PGBD5: variants seen among roughly 807,000 people sequenced by gnomAD.
PGBD5 encodes the protein piggyBac transposable element derived 5.
PGBD5 carries 14 observed loss-of-function variants against 47.9 expected under a neutral mutation model. The observed-to-expected ratio is 0.29, with a 90% CI of 0.19 to 0.46. The LOEUF (loss-of-function observed/expected upper bound fraction) is 0.46. Among genes scored for constraint, PGBD5 ranks in the 20% least tolerant of loss-of-function variants. PGBD5 has a pLI of 1.00. For synonymous variants in PGBD5, 316 were observed against 306.3 expected (o/e 1.03, Z -0.33); for missense variants, 635 against 716.0 (o/e 0.89, Z 1.29).
chr1:230,398,871 T>C (rs1296363507), intron 1 of PGBD5, among the ~76,000 whole-genome samples: 4 of 152,140 alleles, frequency 2.6e-5, no homozygotes, highest in Non-Finnish European at 5.9e-5. Context: ...TGGGCCAGCA[T>C]GGAGTCCCCC....
Position 230,314,581 on chromosome 1 carries a change from C to CTTTTTTTTTTTTTTTTTTT in PGBD5, c.*8825_*8843dup, listed in dbSNP as rs3045440. 1.1e-5 allele frequency: 1 copy of CTTTTTTTTTTTTTTTTTTT among 88,384 alleles called. No homozygotes were observed. The highest frequency in any genetic ancestry group is 2.2e-5 in the Non-Finnish European group (1 of 45,434). 5.5% of individuals were successfully genotyped at this position (88,384 alleles called of 1,614,324 possible). ...ACATGACAAAATGCTTGAATTAAATCTTTTTTTTTTTTTTTTTTTTTTTTG... is the reference window on the plus strand; with the variant it reads ...ACATGACAAAATGCTTGAATTAAATCTTTTTTTTTTTTTTTTTTTTTTTTTTTTTTTTTTTTTTTTTTTG... On this transcript the variant is annotated 3_prime_UTR_variant, in exon 7 of 7. Transcript: ENST00000391860.
intron 1 of PGBD5, among the ~76,000 whole-genome samples, chr1:230,379,408 C>T (rs1025931749): frequency 2.0e-5 from 3 of 152,200 alleles, no homozygotes; most frequent in African/African-American, 7.2e-5. Context: ...TCTCTTCAGG[C>T]TGACTGTAGT....
At chr1:230,354,024 G>A (rs1052000655) in intron 2 of PGBD5, among the ~76,000 whole-genome samples, 4 of 152,194 alleles carry the variant, frequency 2.6e-5, no homozygotes, top group African/African-American at 9.7e-5. Flanking sequence ...GGAGAGCCAG[G>A]CCCACCCCAA....
Position 230,323,632 on chromosome 1 carries a change from G to A in PGBD5, c.1380-12C>T, listed in dbSNP as rs771945286. On this transcript the variant is annotated splice_polypyrimidine_tract_variant and intron_variant, in intron 6 of 6. Transcript: ENST00000391860. This position sits in a 1 kb window ranked among gnomAD's most constrained non-coding sequence, Gnocchi z 4.1. ...GAGAAATGAAATACCTGAGGACAGA[G>A]GGAATAAGAACGGCTGACCCGATGG... The A allele has an allele frequency of 2.8e-5, 45 of 1,610,448 alleles. No individual in the cohort carries two copies. The highest frequency in any genetic ancestry group is 3.7e-5 in the Non-Finnish European group (44 of 1,177,910).
chr1:230,393,634 G>T (rs1372146834), intron 1 of PGBD5, among the ~76,000 whole-genome samples: 1 of 151,968 alleles, frequency 6.6e-6, no homozygotes, highest in Non-Finnish European at 1.5e-5. Flanking sequence ...TCAGGAGATC[G>T]AGACCACGGT....
At chr1:230,329,813 C>A (rs567204183) in intron 5 of PGBD5, among the ~76,000 whole-genome samples, 3 of 152,176 alleles carry the variant, frequency 2.0e-5, no homozygotes, top group Non-Finnish European at 4.4e-5. Context: ...TGATGCCATG[C>A]GTCAAAATAA....
At chr1:230,400,127 G>A (rs918893179) in intron 1 of PGBD5, among the ~76,000 whole-genome samples, 34 of 152,110 alleles carry the variant, frequency 2.2e-4, no homozygotes, top group South Asian at 2.1e-4. Context: ...CTCTCTGACC[G>A]CCTTCCTCCT....
chr1:230,366,341 G>A (rs985412328), intron 1 of PGBD5, among the ~76,000 whole-genome samples: 2 of 143,216 alleles, frequency 1.4e-5, no homozygotes, highest in African/African-American at 2.5e-5. Context: ...ATGGGGCTGG[G>A]GGGTGGTGGG....
intron 1 of PGBD5, among the ~76,000 whole-genome samples, chr1:230,364,747 G>A (rs187126382): frequency 3.3e-4 from 50 of 152,362 alleles, no homozygotes; most frequent in Admixed American, 1.2e-3. Context: ...CTGGCCAGGC[G>A]CAGTGGCTCA....
chr1:230,385,477 A>G (rs1366015074), intron 1 of PGBD5, among the ~76,000 whole-genome samples: 2 of 152,216 alleles, frequency 1.3e-5, no homozygotes, highest in African/African-American at 4.8e-5. Context: ...ACTGAAATGA[A>G]GGCAAGATAA....
At chr1:230,372,616 G>T (rs1667947022) in intron 1 of PGBD5, among the ~76,000 whole-genome samples, 2 of 152,188 alleles carry the variant, frequency 1.3e-5, no homozygotes, top group African/African-American at 4.8e-5. Context: ...GGGAAAGGCT[G>T]CCCCACTTCT....
In PGBD5 at chr1:230,335,696, TACAC is replaced by T. The variant is rs758878575; in HGVS notation, c.1075+1408_1075+1411del. On this transcript the variant is annotated intron_variant, in intron 4 of 6. Coordinates refer to ENST00000391860, the MANE Select transcript of PGBD5 (RefSeq NM_001258311.2). ...ACACAGATACAGACACACAGACACA[TACAC>T]ATACATACACAGGTACACATACAGA... Among the ~76,000 whole-genome samples the T allele has an allele frequency of 6.9e-3, 3 of 436 alleles. No homozygotes were observed. The East Asian group carries it at 0.15, about 22-fold the overall frequency. 0.3% of individuals were successfully genotyped at this position (436 alleles called of 152,430 possible). A position where few individuals can be genotyped will look rare whatever the true frequency, so the allele number is the denominator to read the frequency against.
At chr1:230,386,810 C>T (rs1358547987) in intron 1 of PGBD5, among the ~76,000 whole-genome samples, 2 of 152,148 alleles carry the variant, frequency 1.3e-5, no homozygotes, top group South Asian at 2.1e-4. Flanking sequence ...AATATAGCCC[C>T]GATTTCAAAC....
rs1667008462 is a variant in PGBD5, at chr1:230,319,772, G to A, written c.*3653C>T. ...CCCAGCCACCAAGACTTTTCCATATGACTTGCCTGACTTTTGAAAGATGTC... is the reference window on the plus strand; with the variant it reads ...CCCAGCCACCAAGACTTTTCCATATAACTTGCCTGACTTTTGAAAGATGTC... On this transcript the variant is annotated 3_prime_UTR_variant, in exon 7 of 7. Coordinates refer to ENST00000391860, the MANE Select transcript of PGBD5 (RefSeq NM_001258311.2). 1 of 151,296 alleles carries A rather than the reference G, an allele frequency of 6.6e-6. No individual in the cohort carries two copies. Among genetic ancestry groups the A allele is most frequent in the Non-Finnish European group, 1.5e-5 (1 of 67,980 alleles). The allele number at this position is 151,296 out of a possible 1,614,324, so 9.4% of individuals were successfully genotyped here.
chr1:230,315,203 C>G lies in PGBD5; in HGVS notation c.*8222G>C, dbSNP rs1304665029. On this transcript the variant is annotated 3_prime_UTR_variant, in exon 7 of 7. Transcript: ENST00000391860. ...CACTGAGAACCAGCCACCCCCTCAC[C>G]CCCCACCAGAGTTCCCTGAAGGAAC... is the stretch of plus-strand genomic sequence containing the variant. The G allele has an allele frequency of 6.6e-6, 1 of 152,276 alleles. No individual in the cohort carries two copies. The highest frequency in any genetic ancestry group is 1.9e-4 in the East Asian group (1 of 5,186). The allele number at this position is 152,276 out of a possible 1,614,324, so 9.4% of individuals were successfully genotyped here. A position where few individuals can be genotyped will look rare whatever the true frequency, so the allele number is the denominator to read the frequency against.
At chr1:230,356,265 C>A (rs1174063108) in intron 2 of PGBD5, among the ~76,000 whole-genome samples, 1 of 152,126 alleles carries the variant, frequency 6.6e-6, no homozygotes, top group Non-Finnish European at 1.5e-5. Context: ...GGGCCAGGTG[C>A]CATTGTCCCA....
chr1:230,343,461 G>A (rs561766066), intron 3 of PGBD5, among the ~76,000 whole-genome samples: 1 of 152,286 alleles, frequency 6.6e-6, no homozygotes, highest in East Asian at 1.9e-4. Flanking sequence ...AAGAGGTGTG[G>A]GTGGATTAAC....
chr1:230,422,854 C>T (rs1657687007), intron 1 of PGBD5, among the ~76,000 whole-genome samples: 2 of 151,980 alleles, frequency 1.3e-5, no homozygotes, highest in Admixed American at 6.6e-5. Context: ...TGCTTCCTCC[C>T]TCTCCCAGCT....
chr1:230,384,189 G>C (rs1332362776), intron 1 of PGBD5, among the ~76,000 whole-genome samples: 1 of 152,202 alleles, frequency 6.6e-6, no homozygotes, highest in Non-Finnish European at 1.5e-5. Context: ...ACATTTAAAA[G>C]TACTACTGAA....
Sources: gnomAD v4.1 joint callset for allele counts (sites outside exome capture counted in the v4.1 genomes callset) on GRCh38, gnomAD v4.1.1 for gene constraint, Gnocchi (gnomAD v3.1) non-coding constraint, MANE v1.5 for transcripts, NCBI Gene and HGNC (gene_info 2026-07-23, HGNC 2026-07-21) for gene names.